Variants in EVC2 observed in about 807,000 individuals in gnomAD.
The protein encoded by EVC2 is limbin.
EVC2 carries 148 observed loss-of-function variants against 149.3 expected under a neutral mutation model. The observed-to-expected ratio is 0.99, with a 90% confidence interval of 0.87 to 1.14. The LOEUF is 1.14. EVC2 is among the 50% of genes most tolerant of loss of function. The pLI, the probability that EVC2 is intolerant of heterozygous loss-of-function variation, is 0.00. For synonymous variants in EVC2, 776 were observed against 649.9 expected, an observed-to-expected ratio of 1.19 and a Z score of -2.95; for missense variants, 1,854 against 1,627.3, an observed-to-expected ratio of 1.14 and a Z score of -2.40.
At chr4:5,529,466 C>A in the EVC2 span, among the ~76,000 whole-genome samples, 1 of 152,202 alleles carries the variant, frequency 6.6e-6, no homozygotes, top group African/African-American at 2.4e-5. This position sits in a 1 kb window ranked among gnomAD's most constrained non-coding sequence, Gnocchi z 4.5. Context: ...AGTGGTCTCA[C>A]CCAACTATGA....
Position 5,640,480 on chromosome 4 carries a change from G to T in EVC2, c.1470+34C>A. On this transcript the variant is annotated intron_variant, in intron 10 of 21. Coordinates refer to ENST00000344408, the MANE Select transcript of EVC2 (RefSeq NM_147127.5). The surrounding 1 kb of genome is among the most constrained non-coding windows in gnomAD (Gnocchi z 4.6). ...TAAATGACAAATCCCTGAGAGAAAG[G>T]GAAGTGAACGCCTTCCTTTCAGACC... 1 of 1,612,520 alleles carries T rather than the reference G, an allele frequency of 6.2e-7. No individual in the cohort carries two copies. The highest frequency in any genetic ancestry group is 8.5e-7 in the Non-Finnish European group (1 of 1,178,590).
At chr4:5,707,126 C>T (rs1722255123) in intron 1 of EVC2, among the ~76,000 whole-genome samples, 1 of 152,122 alleles carries the variant, frequency 6.6e-6, no homozygotes, top group African/African-American at 2.4e-5. Flanking sequence ...CCTGGGGACG[C>T]GGCTCCCTGA....
Position 5,657,265 on chromosome 4 carries a change from C to T in EVC2, c.1145+5842G>A, listed in dbSNP as rs976472167. On this transcript the variant is annotated intron_variant, in intron 9 of 21. Coordinates refer to ENST00000344408, the MANE Select transcript of EVC2 (RefSeq NM_147127.5). The surrounding 1 kb of genome is among the most constrained non-coding windows in gnomAD (Gnocchi z 4.7). ...CCTTTTCCTCCTCTGCTGTCCTCACCTTGAACTTCATTGAGAAGCATCTGA... is the reference window on the plus strand; with the variant it reads ...CCTTTTCCTCCTCTGCTGTCCTCACTTTGAACTTCATTGAGAAGCATCTGA... 3.3e-5 allele frequency among the ~76,000 whole-genome samples: 5 copies of T among 152,176 alleles called. No individual in the cohort carries two copies. The highest frequency in any genetic ancestry group is 2.6e-4 in the Admixed American group (4 of 15,286).
chr4:5,638,394 AC>A, intron 10 of EVC2, among the ~76,000 whole-genome samples: 1 of 131,992 alleles, frequency 7.6e-6, no homozygotes, highest in Non-Finnish European at 1.6e-5. Context: ...ATCTCAAAAA[AC>A]AAAAAAAAAA....
chr4:5,533,381 G>A, the EVC2 span, among the ~76,000 whole-genome samples: 2 of 152,196 alleles, frequency 1.3e-5, no homozygotes, highest in Non-Finnish European at 2.9e-5. Context: ...GAACAGCAAG[G>A]GCAGAAGTGG....
intron 7 of EVC2, among the ~76,000 whole-genome samples, chr4:5,671,678 ATTTTTGTAC>A (rs1719660370): frequency 6.6e-6 from 1 of 152,108 alleles, no homozygotes; most frequent in Admixed American, 6.5e-5. Flanking sequence ...TGCCCAGCTA[ATTTTTGTAC>A]TTTTTGTAGA....
intron 1 of EVC2, among the ~76,000 whole-genome samples, chr4:5,707,024 C>G (rs1465083866): frequency 1.3e-5 from 2 of 152,156 alleles, no homozygotes; most frequent in Non-Finnish European, 2.9e-5. Flanking sequence ...ATTTCTGACA[C>G]TGGCTTCCCA....
downstream of EVC2, among the ~76,000 whole-genome samples, chr4:5,537,908 T>C (rs1721449747): frequency 6.6e-6 from 1 of 151,884 alleles, no homozygotes; most frequent in Non-Finnish European, 1.5e-5. Context: ...AAACCTAAAG[T>C]AAGCCAAATA....
At position 5,677,384 on chromosome 4, in the gene EVC2, C is replaced by T. The variant is rs972333176; in HGVS notation, c.870+3876G>A. ...ATCCTGTGCATACACCTCCTCTTCC[C>T]ACTCAACAGGGAGCTCCCTGAATGT... On this transcript the variant is annotated intron_variant, in intron 7 of 21. Coordinates refer to ENST00000344408, the MANE Select transcript of EVC2 (RefSeq NM_147127.5). The surrounding 1 kb of genome is among the most constrained non-coding windows in gnomAD (Gnocchi z 4.3). Among the ~76,000 whole-genome samples, 1 of 152,186 alleles carries T rather than the reference C, an allele frequency of 6.6e-6. No individual in the cohort carries two copies. Among genetic ancestry groups the T allele is most frequent in the African/African-American group, 2.4e-5 (1 of 41,468 alleles).
At chr4:5,554,891 T>G (rs1430331978) in intron 21 of EVC2, among the ~76,000 whole-genome samples, 1 of 152,176 alleles carries the variant, frequency 6.6e-6, no homozygotes, top group Non-Finnish European at 1.5e-5. Context: ...AAGAAGGAAA[T>G]GTATTTAATT....
At chr4:5,558,090 A>G (rs1253171993), downstream of EVC2, among the ~76,000 whole-genome samples, 1 of 152,210 alleles carries the variant, frequency 6.6e-6, no homozygotes, top group Non-Finnish European at 1.5e-5. Context: ...ATGGAATGCC[A>G]AAAGATCTAC....
At chr4:5,555,134 T>G (rs761854294) in intron 21 of EVC2, among the ~76,000 whole-genome samples, 2 of 151,650 alleles carry the variant, frequency 1.3e-5, no homozygotes, top group East Asian at 1.9e-4. Flanking sequence ...GAAATAAGTA[T>G]AGCCACCAAA....
rs1717205922 is a variant in EVC2 at position 5,640,096 on chromosome 4, A to G, written c.1470+418T>C. ...GGTGAATGGGTAAATGGATGAGTGGATGGGTAGAAGGCTAGATGGGGAATA... is the reference window on the plus strand; with the variant it reads ...GGTGAATGGGTAAATGGATGAGTGGGTGGGTAGAAGGCTAGATGGGGAATA... On this transcript the variant is annotated intron_variant, in intron 10 of 21. Transcript: ENST00000344408. This position sits in a 1 kb window ranked among gnomAD's most constrained non-coding sequence, Gnocchi z 4.6. 6.6e-6 allele frequency among the ~76,000 whole-genome samples: 1 copy of G among 151,776 alleles called. No individual in the cohort carries two copies. Among genetic ancestry groups the G allele is most frequent in the Non-Finnish European group, 1.5e-5 (1 of 67,962 alleles).
intron 9 of EVC2, among the ~76,000 whole-genome samples, chr4:5,662,056 G>A (rs1718911918): frequency 1.3e-5 from 2 of 152,072 alleles, no homozygotes; most frequent in South Asian, 4.1e-4. Context: ...ACATCACCTG[G>A]TCTGGCCTCT....
rs944565097 is a variant in EVC2 at position 5,622,548 on chromosome 4, G to C, written c.2490C>G (p.His830Gln). ...GCAAAGGCACTCACATGAAGATCAG[G>C]TGCTCCCAGCGTCGCAGCTCTGCCT... ...EEQAELRRWE[H>Q]LIFMKLCSSV... is the part of the protein sequence containing the mutation. The change falls in exon 14 of 22, where the codon CAC (histidine) becomes CAG (glutamine). Residue 830 changes from histidine (H) to glutamine (Q), a missense_variant. Coordinates refer to ENST00000344408, the MANE Select transcript of EVC2 (RefSeq NM_147127.5). The surrounding 1 kb of genome is among the most constrained non-coding windows in gnomAD (Gnocchi z 5.8). 6.2e-7 allele frequency: 1 copy of C among 1,613,836 alleles called. No homozygotes were observed. Among genetic ancestry groups the C allele is most frequent in the South Asian group, 1.1e-5 (1 of 90,988 alleles).
intron 4 of EVC2, among the ~76,000 whole-genome samples, chr4:5,689,937 C>T (rs1720995576): frequency 1.3e-5 from 2 of 152,182 alleles, no homozygotes; most frequent in Admixed American, 6.5e-5. Context: ...AGCCCTCCTG[C>T]ACCAGCTTCT....
At chr4:5,660,144 G>A (rs1048917950) in intron 9 of EVC2, among the ~76,000 whole-genome samples, 7 of 152,198 alleles carry the variant, frequency 4.6e-5, no homozygotes, top group Admixed American at 3.3e-4. Flanking sequence ...GGAGTTAAGT[G>A]AAAATGAAGA....
intron 6 of EVC2, 81 bp from the exon 7 acceptor site, chr4:5,681,394 C>G: frequency 7.0e-7 from 1 of 1,423,048 alleles, no homozygotes; most frequent in East Asian, 2.3e-5. Flanking sequence ...GATTTCCAAC[C>G]CTCCAAGCCT....
intron 1 of EVC2, among the ~76,000 whole-genome samples, chr4:5,706,835 A>T (rs1212874615): frequency 2.0e-5 from 3 of 152,098 alleles, no homozygotes; most frequent in Non-Finnish European, 4.4e-5. Context: ...AGGGCACCTG[A>T]ATACAGGTGC....
Sources: gnomAD v4.1 joint callset for allele counts (sites outside exome capture counted in the v4.1 genomes callset) on GRCh38, gnomAD v4.1.1 for gene constraint, Gnocchi (gnomAD v3.1) non-coding constraint, MANE v1.5 for transcripts, NCBI Gene and HGNC (gene_info 2026-07-23, HGNC 2026-07-21) for gene names.